The following TMEM135 variants were observed in gnomAD, a reference collection of about 807,000 sequenced individuals.
TMEM135 encodes the protein peroxisomal membrane protein 52.
Under a neutral mutation model 60.3 loss-of-function variants are expected in TMEM135, and 30 were observed. The ratio of observed to expected loss-of-function variants is 0.50; its 90% CI spans 0.37 to 0.68. TMEM135 has a LOEUF of 0.68. Ranked by LOEUF, TMEM135 falls within the 30% of genes least tolerant of loss-of-function variation. The pLI is 0.00. For missense variants in TMEM135, 468 were observed against 548.8 expected, an observed-to-expected ratio of 0.85 and a Z score of 1.47; for synonymous variants, 190 against 186.7, an observed-to-expected ratio of 1.02 and a Z score of -0.14.
intron 5 of TMEM135, among the ~76,000 whole-genome samples, chr11:87,179,689 T>C (rs1051749846): frequency 6.6e-6 from 1 of 152,224 alleles, no homozygotes; most frequent in Non-Finnish European, 1.5e-5. Flanking sequence ...TCTTTGCCCA[T>C]TGAATTGCTT....
rs1276330782 is a variant in TMEM135 at position 87,323,894 on chromosome 11, C to CT, written c.*2567dup. The CT allele has an allele frequency of 4.4e-6, 2 of 451,964 alleles. No individual in the cohort carries two copies. Among genetic ancestry groups the CT allele is most frequent in the Non-Finnish European group, 8.8e-6 (2 of 226,370 alleles). 28.0% of individuals were successfully genotyped at this position (451,964 alleles called of 1,614,324 possible). On this transcript the variant is annotated 3_prime_UTR_variant, in exon 15 of 15. Transcript: ENST00000305494. ...ATAAATTCTGCTTTTGCTTCTGTAA[C>CT]TTTTTTCTTGAACTATAAGCATAGT...
chr11:87,277,801 C>T (rs146889953), intron 6 of TMEM135, among the ~76,000 whole-genome samples: 3,852 of 151,962 alleles, frequency 0.025, 60 homozygotes, highest in Admixed American at 0.038. Context: ...TGATTACAGG[C>T]GTGAGCCACC....
At chr11:87,287,870 T>C (rs1182440854) in intron 6 of TMEM135, among the ~76,000 whole-genome samples, 1 of 152,182 alleles carries the variant, frequency 6.6e-6, no homozygotes, top group African/African-American at 2.4e-5. Context: ...GTTGACTAGT[T>C]TGAGTTTTAT....
At chr11:87,102,497 CCA>C (rs1424384400) in intron 4 of TMEM135, among the ~76,000 whole-genome samples, 3 of 151,954 alleles carry the variant, frequency 2.0e-5, no homozygotes, top group Non-Finnish European at 4.4e-5. Context: ...AATTGTTTAA[CCA>C]CTTTGGAAGC....
At chr11:87,072,449 C>T (rs976378955) in intron 3 of TMEM135, among the ~76,000 whole-genome samples, 3 of 152,050 alleles carry the variant, frequency 2.0e-5, no homozygotes, top group African/African-American at 7.3e-5. Context: ...GGTGCGACCT[C>T]GACCCACTGC....
chr11:87,314,870 T>C (rs1165114756), intron 12 of TMEM135, among the ~76,000 whole-genome samples: 2 of 151,796 alleles, frequency 1.3e-5, no homozygotes, highest in East Asian at 1.9e-4. Flanking sequence ...AGACACTATA[T>C]AATTTCATCC....
At chr11:87,121,172 T>A (rs1193813366) in intron 4 of TMEM135, 1 of 152,186 alleles carries the variant, frequency 6.6e-6, no homozygotes, top group African/African-American at 2.4e-5. Context: ...GCAAAGAGAA[T>A]TCTCACCTGA....
Position 87,223,810 on chromosome 11 carries a change from A to G in TMEM135, c.463-12828A>G, listed in dbSNP as rs1940704477. On this transcript the variant is annotated intron_variant, in intron 5 of 14. Coordinates refer to ENST00000305494, the MANE Select transcript of TMEM135 (RefSeq NM_022918.4). The stretch of plus-strand genomic sequence containing the variant: ...GGTTGCAGTGAGCCGAGATCACACC[A>G]CTGCACTCCAGCCTGGGTAAGAGAG... Among the ~76,000 whole-genome samples the G allele has an allele frequency of 4.0e-5, 6 of 151,764 alleles. No individual in the cohort carries two copies. In the South Asian group the frequency reaches 1.2e-3, roughly 32 times the overall value.
chr11:87,276,248 C>T (rs1456499650), intron 6 of TMEM135, among the ~76,000 whole-genome samples: 1 of 152,020 alleles, frequency 6.6e-6, no homozygotes, highest in East Asian at 1.9e-4. Flanking sequence ...ATCATTTTCT[C>T]TGTTTCAGAC....
At chr11:87,310,803 C>G (rs1942628076) in intron 10 of TMEM135, among the ~76,000 whole-genome samples, 1 of 151,614 alleles carries the variant, frequency 6.6e-6, no homozygotes, top group Non-Finnish European at 1.5e-5. Flanking sequence ...TTTTTTTAAT[C>G]TACAATCACA....
intron 6 of TMEM135, among the ~76,000 whole-genome samples, chr11:87,273,543 ATCATCAC>A (rs1941911266): frequency 6.6e-6 from 1 of 152,158 alleles, no homozygotes; most frequent in African/African-American, 2.4e-5. Context: ...CAAAATGAAA[ATCATCAC>A]TTGGAACCTG....
At chr11:87,222,460 C>G (rs1022891563) in intron 5 of TMEM135, among the ~76,000 whole-genome samples, 17 of 141,154 alleles carry the variant, frequency 1.2e-4, no homozygotes, top group African/African-American at 4.0e-4. Context: ...GATCGCACCA[C>G]TGCACTCCAG....
At chr11:87,127,661 A>G (rs1937774362) in intron 4 of TMEM135, among the ~76,000 whole-genome samples, 1 of 152,210 alleles carries the variant, frequency 6.6e-6, no homozygotes, top group East Asian at 1.9e-4. Context: ...GAGGCCAGTT[A>G]AAGACAACAG....
At chr11:87,106,487 C>T (rs954978584) in intron 4 of TMEM135, among the ~76,000 whole-genome samples, 1 of 152,088 alleles carries the variant, frequency 6.6e-6, no homozygotes, top group African/African-American at 2.4e-5. Context: ...ATTTTGGCAT[C>T]TATGTTCATC....
intron 5 of TMEM135, among the ~76,000 whole-genome samples, chr11:87,230,000 A>G (rs1940857260): frequency 6.6e-6 from 1 of 152,040 alleles, no homozygotes; most frequent in East Asian, 1.9e-4. Context: ...TTTTTCAAAT[A>G]TTTACTGAGT....
chr11:87,222,181 CAA>C (rs386374401), intron 5 of TMEM135, among the ~76,000 whole-genome samples: 134 of 55,472 alleles, frequency 2.4e-3, no homozygotes, highest in African/African-American at 7.9e-3. Context: ...GACTCTGTCT[CAA>C]AAAAAAAAAA....
At chr11:87,241,283 G>A (rs531452250) in intron 6 of TMEM135, among the ~76,000 whole-genome samples, 5 of 152,066 alleles carry the variant, frequency 3.3e-5, no homozygotes, top group South Asian at 4.1e-4. Flanking sequence ...TGATCTTGGC[G>A]TTTAAACCAT....
intron 4 of TMEM135, among the ~76,000 whole-genome samples, chr11:87,128,480 C>A (rs1937802448): frequency 6.6e-6 from 1 of 151,960 alleles, no homozygotes. Flanking sequence ...TCAGGAAATG[C>A]TTTTGATTAC....
rs1226701667 is a variant in TMEM135 at position 87,326,646 on chromosome 11, C to T, written c.*5313C>T. 2.2e-6 allele frequency: 1 copy of T among 453,888 alleles called. No homozygotes were observed. The highest frequency in any genetic ancestry group is 6.9e-5 in the East Asian group (1 of 14,400). The allele number at this position is 453,888 out of a possible 1,614,324, so 28.1% of individuals were successfully genotyped here. On this transcript the variant is annotated 3_prime_UTR_variant, in exon 15 of 15. Coordinates refer to ENST00000305494, the MANE Select transcript of TMEM135 (RefSeq NM_022918.4). ...TTTACCTTTCCTGGCCCATGCTTTC[C>T]TGCCATATCTTTGCTATGTATTTCT...
Sources: gnomAD v4.1 joint callset for allele counts (sites outside exome capture counted in the v4.1 genomes callset) on GRCh38, gnomAD v4.1.1 for gene constraint, MANE v1.5 for transcripts, NCBI Gene and HGNC (gene_info 2026-07-23, HGNC 2026-07-21) for gene names.